The following GPLD1 variants were observed in gnomAD, a reference collection of about 807,000 sequenced individuals.
GPLD1 encodes glycosylphosphatidylinositol specific phospholipase D1.
In GPLD1, 84 loss-of-function variants were observed where a neutral mutation model predicts 112.6. The ratio of observed to expected loss-of-function variants is 0.75; its 90% CI spans 0.63 to 0.89. The LOEUF is 0.89. Ranked by LOEUF, GPLD1 falls within the 40% of genes least tolerant of loss-of-function variation. GPLD1 has a pLI of 0.00. For missense variants in GPLD1, 1,044 were observed against 1,051.5 expected (o/e 0.99, Z 0.10); for synonymous variants, 386 against 403.8 (o/e 0.96, Z 0.53).
At chr6:24,488,310 G>A (rs1421356672) in intron 1 of GPLD1, among the ~76,000 whole-genome samples, 4 of 151,982 alleles carry the variant, frequency 2.6e-5, no homozygotes, top group Admixed American at 2.6e-4. Flanking sequence ...TACTCGGGAG[G>A]TTGAGGCAGG....
intron 22 of GPLD1, among the ~76,000 whole-genome samples, chr6:24,436,034 C>A (rs1163991803): frequency 1.3e-5 from 2 of 151,836 alleles, no homozygotes; most frequent in African/African-American, 4.8e-5. Flanking sequence ...GGTAGAAGAA[C>A]TGCTTGAGCC....
At chr6:24,468,874 G>A (rs983020256) in intron 7 of GPLD1, among the ~76,000 whole-genome samples, 15 of 152,258 alleles carry the variant, frequency 9.9e-5, no homozygotes, top group African/African-American at 2.9e-4. Flanking sequence ...AACAGCCTTG[G>A]GCACATGTTG....
chr6:24,433,261 T>G, intron 23 of GPLD1, 24 bp from the exon 24 acceptor site: 2 of 1,607,998 alleles, frequency 1.2e-6, no homozygotes, highest in Non-Finnish European at 8.5e-7. Flanking sequence ...CGTCTGTTAA[T>G]GGGCTTTGAA....
rs772293948 is a variant in GPLD1, at chr6:24,479,917, A to G, written c.196T>C (p.Phe66Leu). ...HQDAYQAGIV[F>L]PDCFYPSICK... is the part of the protein sequence containing the mutation. The stretch of plus-strand genomic sequence containing the variant: ...ATGCTAGGGTAAAAACAATCAGGAA[A>G]CACGATTCCAGCCTGATACGCATCC... Residue 66 changes from phenylalanine (F) to leucine (L), a missense_variant, in exon 3 of 25, where the codon TTT becomes CTT. Physicochemically the swap from Phe to Leu is conservative, Grantham distance 22 (BLOSUM62 0). Transcript: ENST00000230036. 6.2e-7 allele frequency: 1 copy of G among 1,611,448 alleles called. No individual in the cohort carries two copies. The highest frequency in any genetic ancestry group is 8.5e-7 in the Non-Finnish European group (1 of 1,177,578).
chr6:24,488,389 C>T (rs867762451), intron 1 of GPLD1, among the ~76,000 whole-genome samples: 7 of 148,160 alleles, frequency 4.7e-5, no homozygotes, highest in Non-Finnish European at 1.0e-4. Context: ...TCCAGCATGG[C>T]GGACAGAGCG....
At chr6:24,433,322 T>C in intron 23 of GPLD1, 41 bp downstream of exon 23, 3 of 1,592,184 alleles carry the variant, frequency 1.9e-6, no homozygotes, top group Admixed American at 1.7e-5. Context: ...GGGCATTGTT[T>C]TGGTAATTTT....
At chr6:24,466,362 G>A (rs960968134) in intron 10 of GPLD1, among the ~76,000 whole-genome samples, 1 of 152,070 alleles carries the variant, frequency 6.6e-6, no homozygotes, top group Non-Finnish European at 1.5e-5. Context: ...TAAAAAGAAA[G>A]AAACAAATGG....
rs1481879358 is a variant in GPLD1, at chr6:24,456,361, T to A, written c.1148+137A>T. On this transcript the variant is annotated intron_variant, in intron 13 of 24. Coordinates refer to ENST00000230036, the MANE Select transcript of GPLD1 (RefSeq NM_001503.4). ...GCAGTGAGCCAAGATCAAGCCACTG[T>A]ACTCCAGCCTGGGTGACAAGTGAGA... 8.3e-6 allele frequency: 5 copies of A among 604,600 alleles called. No homozygotes were observed. In the East Asian group the frequency reaches 1.5e-4, roughly 18 times the overall value. The allele number at this position is 604,600 out of a possible 1,614,324, so 37.5% of individuals were successfully genotyped here.
At chr6:24,468,164 C>T (rs1252861712) in intron 7 of GPLD1, among the ~76,000 whole-genome samples, 1 of 152,154 alleles carries the variant, frequency 6.6e-6, no homozygotes, top group African/African-American at 2.4e-5. Flanking sequence ...CCTCGGCCTC[C>T]CAAAGTGCTG....
In GPLD1 at chr6:24,495,109, C is replaced by CGCCCG. The variant is rs1273153948; in HGVS notation, n.92_96dup. 6 of 1,313,210 alleles carry CGCCCG rather than the reference C, an allele frequency of 4.6e-6. No homozygotes were observed. The highest frequency in any genetic ancestry group is 1.5e-5 in the African/African-American group (1 of 64,814). The allele number at this position is 1,313,210 out of a possible 1,614,324, so 81.3% of individuals were successfully genotyped here. ...GGCCTGGTCCCTGCCTCCGGGCCTG[C>CGCCCG]GCCCGGCCCGGCCCAGCTCCGCTGC... On this transcript the variant is annotated non_coding_transcript_exon_variant, in exon 1 of 11. Coordinates refer to the GPLD1 transcript ENST00000474784.
chr6:24,448,085 G>A, intron 16 of GPLD1, 49 bp downstream of exon 16: 1 of 1,611,904 alleles, frequency 6.2e-7, no homozygotes, highest in South Asian at 1.1e-5. Context: ...TGGCAGTTAG[G>A]ATACAGCGAG....
chr6:24,470,601 CTTTTT>C (rs202142381), intron 7 of GPLD1, among the ~76,000 whole-genome samples: 4 of 151,160 alleles, frequency 2.6e-5, no homozygotes, highest in Non-Finnish European at 5.9e-5. Flanking sequence ...ATTTTTTTTT[CTTTTT>C]TTATTTTTTG....
chr6:24,433,532 G>T (rs376275268), intron 22 of GPLD1, 143 bp from the exon 23 acceptor site: 4 of 574,510 alleles, frequency 7.0e-6, no homozygotes, highest in Non-Finnish European at 1.2e-5. Context: ...TTGCTCTGTC[G>T]CCCAGGCTGG....
chr6:24,488,514 C>CAA (rs1764457316), intron 1 of GPLD1, among the ~76,000 whole-genome samples: 1 of 152,114 alleles, frequency 6.6e-6, no homozygotes, highest in Non-Finnish European at 1.5e-5. Flanking sequence ...AATTGACTCA[C>CAA]GTTTTCCATG....
At chr6:24,480,256 C>A (rs1156620087) in intron 2 of GPLD1, among the ~76,000 whole-genome samples, 10 of 152,164 alleles carry the variant, frequency 6.6e-5, no homozygotes. Context: ...CTCTGTCAAT[C>A]CAGTAAAGCA....
At chr6:24,448,490 A>G (rs1163465846) in intron 15 of GPLD1, among the ~76,000 whole-genome samples, 1 of 152,084 alleles carries the variant, frequency 6.6e-6, no homozygotes, top group Non-Finnish European at 1.5e-5. Context: ...TTAATGACAG[A>G]CAGAAATCCA....
At position 24,476,249 on chromosome 6, in the gene GPLD1, G is replaced by C; in HGVS notation, c.262C>G (p.His88Asp). Reference sequence around the variant, plus strand: ...CTTGCATTAAGAAACGGAGTCCAGTGAGTGCTCTCAGACACATCATGGAAT... The same window carrying C: ...CTTGCATTAAGAAACGGAGTCCAGTCAGTGCTCTCAGACACATCATGGAAT... Reference protein sequence around the residue: ...GKFHDVSESTHWTPFLNASVH... With the variant: ...GKFHDVSESTDWTPFLNASVH... The change falls in exon 4 of 25, where the codon CAC becomes GAC. Residue 88 changes from histidine to aspartate, a missense_variant. Physicochemically the swap from His to Asp is moderately conservative, Grantham distance 81. Coordinates refer to ENST00000230036, the MANE Select transcript of GPLD1 (RefSeq NM_001503.4). The C allele has an allele frequency of 1.3e-6, 2 of 1,564,802 alleles. No individual in the cohort carries two copies. Among genetic ancestry groups the C allele is most frequent in the Non-Finnish European group, 1.7e-6 (2 of 1,147,680 alleles).
At chr6:24,472,786 T>G (rs1433959518) in intron 6 of GPLD1, 150 bp from the exon 7 acceptor site, 10 of 596,920 alleles carry the variant, frequency 1.7e-5, no homozygotes, top group Admixed American at 2.9e-5. Context: ...ATGCCTTTTT[T>G]TTTTTTTAGA....
At position 24,479,963 on chromosome 6, in the gene GPLD1, C is replaced by T; in HGVS notation, c.154-4G>A. On this transcript the variant is annotated splice_region_variant and splice_polypyrimidine_tract_variant and intron_variant, in intron 2 of 24. Coordinates refer to ENST00000230036, the MANE Select transcript of GPLD1 (RefSeq NM_001503.4). ...CATCCTGGTGTTCTAGTAACAGCTG[C>T]AGAGCAAGAAAATACAGAGATTAAG... 7 of 1,592,458 alleles carry T rather than the reference C, an allele frequency of 4.4e-6. No individual in the cohort carries two copies. The highest frequency in any genetic ancestry group is 6.0e-6 in the Non-Finnish European group (7 of 1,160,558).
Sources: allele counts gnomAD v4.1 joint callset (sites outside exome capture counted in the v4.1 genomes callset), GRCh38; gene constraint gnomAD v4.1.1; transcripts MANE v1.5; gene names NCBI Gene and HGNC (gene_info 2026-07-23, HGNC 2026-07-21).